The following PRKAG2 variants were observed in gnomAD, a reference collection of about 807,000 sequenced individuals.
PRKAG2 encodes the protein protein kinase AMP-activated non-catalytic subunit gamma 2.
A neutral mutation model predicts 69.6 loss-of-function variants in PRKAG2; 26 were observed. The observed-to-expected ratio is 0.37, with a 90% confidence interval of 0.27 to 0.52. PRKAG2 has a LOEUF of 0.52. PRKAG2 is among the 20% of genes least tolerant of loss of function. PRKAG2 has a pLI of 0.90. For missense variants in PRKAG2, 557 were observed against 740.0 expected (o/e 0.75, Z 2.87); for synonymous variants, 293 against 285.0 (o/e 1.03, Z -0.28).
intron 3 of PRKAG2, among the ~76,000 whole-genome samples, chr7:151,684,427 T>C (rs1168511934): frequency 6.6e-6 from 1 of 152,210 alleles, no homozygotes; most frequent in Non-Finnish European, 1.5e-5. Context: ...GCCAGCTATG[T>C]GGCCTCAGAG....
At chr7:151,590,067 T>C (rs918978770) in intron 6 of PRKAG2, among the ~76,000 whole-genome samples, 1 of 152,232 alleles carries the variant, frequency 6.6e-6, no homozygotes, top group African/African-American at 2.4e-5. Context: ...ATCAGATTCC[T>C]GTAATCCAGG....
intron 3 of PRKAG2, among the ~76,000 whole-genome samples, chr7:151,727,215 C>CAA (rs57353138): frequency 6.9e-6 from 1 of 145,472 alleles, no homozygotes. Flanking sequence ...AACTCAGTCT[C>CAA]AAAAAAAAAA....
In PRKAG2 at chr7:151,781,434, G is replaced by A. The variant is rs972389122; in HGVS notation, c.187-3C>T. ...CCCGGGCCGAAGGGGCTGTCCACCT[G>A]CAGAAAAACAGACGAATGGATGCAG... is the stretch of plus-strand genomic sequence containing the variant. On this transcript the variant is annotated splice_region_variant and splice_polypyrimidine_tract_variant and intron_variant, in intron 2 of 15. Coordinates refer to ENST00000287878, the MANE Select transcript of PRKAG2 (RefSeq NM_016203.4). The surrounding 1 kb of genome is among the most constrained non-coding windows in gnomAD (Gnocchi z 6.1). 3 of 1,602,764 alleles carry A rather than the reference G, an allele frequency of 1.9e-6. No homozygotes were observed. Among genetic ancestry groups the A allele is most frequent in the East Asian group, 4.5e-5 (2 of 44,428 alleles).
chr7:151,675,122 T>C, intron 4 of PRKAG2: 1 of 381,674 alleles, frequency 2.6e-6, no homozygotes, highest in South Asian at 2.0e-5. Context: ...GGTTTTGCCA[T>C]GTTGGCCAGG....
At chr7:151,593,878 T>C (rs1256541632) in intron 6 of PRKAG2, among the ~76,000 whole-genome samples, 2 of 152,174 alleles carry the variant, frequency 1.3e-5, no homozygotes, top group African/African-American at 2.4e-5. Context: ...CAAGAAACAA[T>C]TGGAAAATGA....
intron 1 of PRKAG2, among the ~76,000 whole-genome samples, chr7:151,798,907 C>T (rs552815079): frequency 3.3e-5 from 5 of 152,262 alleles, no homozygotes; most frequent in Admixed American, 1.3e-4. Flanking sequence ...CCCTCCTCAC[C>T]TCTCACCACC....
intron 4 of PRKAG2, among the ~76,000 whole-genome samples, chr7:151,633,759 T>C (rs907453407): frequency 7.2e-5 from 11 of 152,162 alleles, no homozygotes; most frequent in Non-Finnish European, 1.2e-4. Context: ...AGCTAATAAA[T>C]GGAGAGACAG....
chr7:151,798,341 G>A (rs138341519), intron 1 of PRKAG2, among the ~76,000 whole-genome samples: 1,852 of 151,940 alleles, frequency 0.012, 40 homozygotes, highest in African/African-American at 0.042. Flanking sequence ...TTGAGATGGA[G>A]TCTCACTCTG....
chr7:151,616,053 T>C (rs1820059453), intron 5 of PRKAG2, among the ~76,000 whole-genome samples: 1 of 152,236 alleles, frequency 6.6e-6, no homozygotes, highest in Admixed American at 6.5e-5. Context: ...AGTCAATTAC[T>C]GACGTCCTCC....
At position 151,876,374 on chromosome 7, in the gene PRKAG2, T is replaced by G. The variant is rs2080405249; in HGVS notation, c.114+133A>C. ...CAGCTCGGGCCCTGTCCCTCTACCC[T>G]TTCCCCAAGCCGCCCGAAGTGACAG... On this transcript the variant is annotated intron_variant, in intron 1 of 15. Coordinates refer to ENST00000287878, the MANE Select transcript of PRKAG2 (RefSeq NM_016203.4). 49 of 904,828 alleles carry G rather than the reference T, an allele frequency of 5.4e-5. No homozygotes were observed. In the South Asian group the frequency reaches 6.1e-4, roughly 11 times the overall value. The allele number at this position is 904,828 out of a possible 1,614,324, so 56.0% of individuals were successfully genotyped here.
At chr7:151,859,108 C>A (rs1257410708) in intron 1 of PRKAG2, among the ~76,000 whole-genome samples, 2 of 152,232 alleles carry the variant, frequency 1.3e-5, no homozygotes, top group Non-Finnish European at 2.9e-5. Flanking sequence ...GAGTCTGTCA[C>A]AGAACAGATT....
intron 2 of PRKAG2, among the ~76,000 whole-genome samples, chr7:151,784,902 T>C (rs2076925353): frequency 6.6e-6 from 1 of 152,136 alleles, no homozygotes; most frequent in Non-Finnish European, 1.5e-5. Context: ...ACCGGGAACC[T>C]TGGGGGCCAG....
intron 1 of PRKAG2, among the ~76,000 whole-genome samples, chr7:151,826,289 T>G (rs754329924): frequency 1.3e-5 from 2 of 151,974 alleles, no homozygotes; most frequent in Non-Finnish European, 2.9e-5. Flanking sequence ...CAAGTGATTC[T>G]CCCACCTCAG....
At chr7:151,772,082 A>T (rs2076048255) in intron 3 of PRKAG2, among the ~76,000 whole-genome samples, 1 of 152,240 alleles carries the variant, frequency 6.6e-6, no homozygotes, top group Non-Finnish European at 1.5e-5. Context: ...GTGAACCAGT[A>T]AATAGACAGT....
chr7:151,656,134 C>T (rs1829376671), intron 4 of PRKAG2, among the ~76,000 whole-genome samples: 1 of 152,116 alleles, frequency 6.6e-6, no homozygotes, highest in South Asian at 2.1e-4. Flanking sequence ...ATTATAAGTA[C>T]ATATTCATTT....
chr7:151,773,023 AAGAGAGAGAGAG>A (rs1163334410), intron 3 of PRKAG2, among the ~76,000 whole-genome samples: 1 of 55,056 alleles, frequency 1.8e-5, no homozygotes, highest in African/African-American at 7.7e-5. Context: ...GAAAGAAAGA[AAGAGAGAGAGAG>A]AGAGAGAGAG....
chr7:151,831,991 C>T (rs1044927757), intron 1 of PRKAG2, among the ~76,000 whole-genome samples: 3 of 152,198 alleles, frequency 2.0e-5, no homozygotes, highest in South Asian at 2.1e-4. Context: ...GGCCTCCACT[C>T]GGCAAAGAAT....
chr7:151,799,870 C>T (rs945775905), intron 1 of PRKAG2, among the ~76,000 whole-genome samples: 1 of 152,230 alleles, frequency 6.6e-6, no homozygotes, highest in Non-Finnish European at 1.5e-5. Flanking sequence ...CCCTCCAGAA[C>T]CTCACACCGG....
chr7:151,767,803 C>G (rs2151770930), intron 3 of PRKAG2, among the ~76,000 whole-genome samples: 1 of 152,338 alleles, frequency 6.6e-6, no homozygotes, highest in Admixed American at 6.5e-5. Context: ...CCAAATGTTT[C>G]TGTCTTAGAC....
Sources: allele counts gnomAD v4.1 joint callset (sites outside exome capture counted in the v4.1 genomes callset), GRCh38; gene constraint gnomAD v4.1.1; non-coding constraint Gnocchi (gnomAD v3.1); transcripts MANE v1.5; gene names NCBI Gene and HGNC (gene_info 2026-07-23, HGNC 2026-07-21).